Variants in CHAF1B observed in about 807,000 individuals in gnomAD.
CHAF1B encodes CAF-1 subunit B.
Under a neutral mutation model 60.7 loss-of-function variants are expected in CHAF1B, and 10 were observed. That is an observed-to-expected ratio of 0.16 (90% CI 0.10 to 0.28). CHAF1B has a LOEUF of 0.28. CHAF1B is among the 10% of genes least tolerant of loss of function. The probability of loss-of-function intolerance (pLI) is 1.00; values close to 1 mark genes in which losing one functional copy is unlikely to be tolerated. For synonymous variants in CHAF1B, 261 were observed against 266.1 expected (o/e 0.98, Z 0.19); for missense variants, 558 against 708.4 (o/e 0.79, Z 2.41).
intron 3 of CHAF1B, 44 bp from the exon 4 acceptor site, chr21:36,391,507 A>G: frequency 9.6e-7 from 1 of 1,038,674 alleles, no homozygotes. Flanking sequence ...AATATGAAGG[A>G]GTGTGGGTGA....
chr21:36,403,740 A>G (rs2086211727), intron 8 of CHAF1B, among the ~76,000 whole-genome samples: 1 of 152,216 alleles, frequency 6.6e-6, no homozygotes, highest in African/African-American at 2.4e-5. Flanking sequence ...TCAGCCCAGC[A>G]AGATAAGGCT....
intron 4 of CHAF1B, among the ~76,000 whole-genome samples, chr21:36,391,898 GATT>G (rs887137006): frequency 3.8e-5 from 4 of 105,880 alleles, no homozygotes; most frequent in African/African-American, 1.8e-4. Flanking sequence ...ATGCCCTGCT[GATT>G]TTTAAATTTT....
chr21:36,390,385 C>T (rs1263749899), intron 3 of CHAF1B, among the ~76,000 whole-genome samples: 1 of 151,752 alleles, frequency 6.6e-6, no homozygotes, highest in South Asian at 2.1e-4. Context: ...TGCGTATGTC[C>T]TCACAACCTC....
chr21:36,414,031 G>A lies in CHAF1B; in HGVS notation c.1493+716G>A, dbSNP rs770990580. 5.9e-5 allele frequency among the ~76,000 whole-genome samples: 9 copies of A among 152,218 alleles called. 1 individual carries two copies. Among genetic ancestry groups the A allele is most frequent in the Middle Eastern group, 6.3e-3 (2 of 316 alleles). Reference sequence around the variant, plus strand: ...ACAAATAATCCCCAGGAGGTGCAGAGTCGTTTCTTCCCTGCTTACATCAGT... The same window carrying A: ...ACAAATAATCCCCAGGAGGTGCAGAATCGTTTCTTCCCTGCTTACATCAGT... On this transcript the variant is annotated intron_variant, in intron 12 of 13. Transcript: ENST00000314103.
intron 5 of CHAF1B, among the ~76,000 whole-genome samples, chr21:36,396,160 C>T (rs1250409706): frequency 1.3e-5 from 2 of 151,524 alleles, no homozygotes; most frequent in African/African-American, 2.4e-5. Context: ...CCACCACTCC[C>T]AGCTAATTTT....
chr21:36,401,806 T>C (rs147249259), intron 7 of CHAF1B, among the ~76,000 whole-genome samples: 3,001 of 151,764 alleles, frequency 0.02, 54 homozygotes, highest in Admixed American at 0.043. Context: ...AGTGGCACGA[T>C]CTTGGCTCAC....
At chr21:36,398,359 T>C (rs147239070) in intron 6 of CHAF1B, 2 of 152,132 alleles carry the variant, frequency 1.3e-5, no homozygotes, top group East Asian at 3.9e-4. Context: ...TTATTTTTAT[T>C]TTTTTTAAAT....
chr21:36,399,706 A>G (rs75876284), intron 7 of CHAF1B, 101 bp downstream of exon 7: 24,661 of 912,938 alleles, frequency 0.027, 471 homozygotes, highest in Admixed American at 0.069. Context: ...CTGGCCACAA[A>G]GAGCCGATTC....
chr21:36,400,338 G>C (rs1367777271), intron 7 of CHAF1B, among the ~76,000 whole-genome samples: 1 of 151,878 alleles, frequency 6.6e-6, no homozygotes, highest in Non-Finnish European at 1.5e-5. Flanking sequence ...AATTAGCCGG[G>C]TGCATGCATG....
chr21:36,405,997 C>A (rs1347665848), intron 8 of CHAF1B, among the ~76,000 whole-genome samples: 1 of 151,590 alleles, frequency 6.6e-6, no homozygotes, highest in African/African-American at 2.4e-5. Context: ...ATTTGCCTCA[C>A]CACATATCAG....
chr21:36,415,266 C>T, intron 12 of CHAF1B, 29 bp from the exon 13 acceptor site: 1 of 1,329,890 alleles, frequency 7.5e-7, no homozygotes, highest in Non-Finnish European at 1.1e-6. Context: ...TGAGCCATCA[C>T]CCCTCTACTT....
At chr21:36,400,322 A>G (rs1207783709) in intron 7 of CHAF1B, among the ~76,000 whole-genome samples, 2 of 151,738 alleles carry the variant, frequency 1.3e-5, no homozygotes, top group African/African-American at 4.8e-5. Flanking sequence ...TCTACAAAAA[A>G]TATAAAATTA....
intron 6 of CHAF1B, chr21:36,397,736 T>C: frequency 3.7e-6 from 1 of 269,798 alleles, no homozygotes; most frequent in Non-Finnish European, 6.9e-6. Context: ...TTTTTTTTTT[T>C]TTTTAGACAC....
intron 4 of CHAF1B, among the ~76,000 whole-genome samples, chr21:36,393,498 C>A (rs2086110756): frequency 7.5e-6 from 1 of 134,066 alleles, no homozygotes; most frequent in East Asian, 2.2e-4. Flanking sequence ...GTTGCCCAGG[C>A]TGGAGTGCAA....
intron 4 of CHAF1B, among the ~76,000 whole-genome samples, chr21:36,391,907 ATTT>A (rs55920360): frequency 1.5e-5 from 1 of 67,046 alleles, no homozygotes; most frequent in African/African-American, 8.0e-5. Flanking sequence ...TGATTTTTAA[ATTT>A]TTTTTTTTTT....
At chr21:36,386,391 G>A in intron 2 of CHAF1B, 129 bp downstream of exon 2, 3 of 1,180,598 alleles carry the variant, frequency 2.5e-6, no homozygotes, top group Non-Finnish European at 3.5e-6. Context: ...GGGAGGCTGA[G>A]GTGAGAGGAT....
chr21:36,388,630 C>A (rs947063902), intron 3 of CHAF1B, among the ~76,000 whole-genome samples: 2 of 152,016 alleles, frequency 1.3e-5, no homozygotes, highest in Non-Finnish European at 2.9e-5. Flanking sequence ...CCACCCCCGG[C>A]TAATTTTTGT....
chr21:36,400,070 G>T (rs1331364402), intron 7 of CHAF1B, among the ~76,000 whole-genome samples: 2 of 152,062 alleles, frequency 1.3e-5, no homozygotes, highest in South Asian at 4.1e-4. Flanking sequence ...CCAGCTACTC[G>T]GGAGGCTGAG....
chr21:36,387,875 G>A (rs1181230694), intron 3 of CHAF1B, 145 bp downstream of exon 3: 6 of 1,041,772 alleles, frequency 5.8e-6, no homozygotes, highest in Non-Finnish European at 8.4e-6. Flanking sequence ...CTGGAGTGCA[G>A]TGGTGCAAAC....
Sources: allele counts gnomAD v4.1 joint callset (sites outside exome capture counted in the v4.1 genomes callset), GRCh38; gene constraint gnomAD v4.1.1; transcripts MANE v1.5; gene names NCBI Gene and HGNC (gene_info 2026-07-23, HGNC 2026-07-21).